The following PCDHGC4 variants were observed in gnomAD, a reference collection of about 807,000 sequenced individuals.
The protein encoded by PCDHGC4 is protocadherin gamma-C4.
In PCDHGC4, 15 loss-of-function variants were observed where a neutral mutation model predicts 59.7. That is an observed-to-expected ratio of 0.25 (90% confidence interval 0.17 to 0.39). The LOEUF is 0.39. PCDHGC4 is among the 10% of genes least tolerant of loss of function. PCDHGC4 has a pLI of 1.00. For synonymous variants in PCDHGC4, 434 were observed against 481.4 expected (o/e 0.90, Z 1.29); for missense variants, 1,016 against 1,189.5 (o/e 0.85, Z 2.15).
intron 1 of PCDHGC4, among the ~76,000 whole-genome samples, chr5:141,494,034 A>T (rs1206242414): frequency 1.3e-5 from 2 of 152,162 alleles, no homozygotes; most frequent in Non-Finnish European, 2.9e-5. Flanking sequence ...CTGGAGACTT[A>T]GTTGGCCCTG....
At position 141,491,809 on chromosome 5, in the gene PCDHGC4, C is replaced by A. The variant is rs1421763758; in HGVS notation, c.2443-2998C>A. The A allele has an allele frequency of 6.7e-7, 1 of 1,487,044 alleles. No homozygotes were observed. The highest frequency in any genetic ancestry group is 1.4e-5 in the South Asian group (1 of 72,986). The allele number at this position is 1,487,044 out of a possible 1,614,324, so 92.1% of individuals were successfully genotyped here. On this transcript the variant is annotated intron_variant, in intron 1 of 3. Coordinates refer to ENST00000306593, the MANE Select transcript of PCDHGC4 (RefSeq NM_018928.3). This position sits in a 1 kb window ranked among gnomAD's most constrained non-coding sequence, Gnocchi z 6.9. Reference sequence around the variant, plus strand: ...TCCACTCCTCTCCGGCCGGCTTGGTCGCTGGCTGCGCTCCACCCGATTCTC... The same window carrying A: ...TCCACTCCTCTCCGGCCGGCTTGGTAGCTGGCTGCGCTCCACCCGATTCTC...
In PCDHGC4 at chr5:141,486,036, G is replaced by A. The variant is rs773301300; in HGVS notation, c.863G>A (p.Arg288His). ...TATTTCAGTGGTCATACCCCTGATC[G>A]TGTAAGAAACCTCTTTAGCCTGCAC... ...TFYFSGHTPDRVRNLFSLHPT... is the reference protein window; with the variant it reads ...TFYFSGHTPDHVRNLFSLHPT... The change falls in exon 1 of 4, where the codon CGT (arginine) becomes CAT (histidine). Residue 288 changes from arginine to histidine, a missense_variant. By Grantham distance (29) the Arg-to-His change is conservative. Transcript: ENST00000306593. This position sits in a 1 kb window ranked among gnomAD's most constrained non-coding sequence, Gnocchi z 5.0. 2.5e-6 allele frequency: 4 copies of A among 1,614,048 alleles called. No individual in the cohort carries two copies. Among genetic ancestry groups the A allele is most frequent in the Admixed American group, 1.7e-5 (1 of 60,004 alleles).
At position 141,511,424 on chromosome 5, in the gene PCDHGC4, G is replaced by A. The variant is rs939906846; in HGVS notation, c.*251G>A. 10 of 810,392 alleles carry A rather than the reference G, an allele frequency of 1.2e-5. No homozygotes were observed. Among genetic ancestry groups the A allele is most frequent in the East Asian group, 3.0e-5 (1 of 33,800 alleles). The allele number at this position is 810,392 out of a possible 1,614,324, so 50.2% of individuals were successfully genotyped here. On this transcript the variant is annotated 3_prime_UTR_variant, in exon 4 of 4. Transcript: ENST00000306593. The stretch of plus-strand genomic sequence containing the variant: ...ATCAACTGCTGTACCCATGGGGGTA[G>A]TGGGGTTACTGTAGACACCAAGAAC...
chr5:141,491,884 G>C lies in PCDHGC4; in HGVS notation c.2443-2923G>C, dbSNP rs745931108. 5.0e-5 allele frequency: 73 copies of C among 1,446,372 alleles called. No homozygotes were observed. The highest frequency in any genetic ancestry group is 6.3e-5 in the Non-Finnish European group (69 of 1,094,334). The allele number at this position is 1,446,372 out of a possible 1,614,324, so 89.6% of individuals were successfully genotyped here. A position where few individuals can be genotyped will look rare whatever the true frequency, so the allele number is the denominator to read the frequency against. On this transcript the variant is annotated intron_variant, in intron 1 of 3. Coordinates refer to ENST00000306593, the MANE Select transcript of PCDHGC4 (RefSeq NM_018928.3). The surrounding 1 kb of genome is among the most constrained non-coding windows in gnomAD (Gnocchi z 6.9). The stretch of plus-strand genomic sequence containing the variant: ...AACCAGAGTGGCCGATTAAGGGATG[G>C]GGCTCCGAGCACCGGGGGTGGTGGC...
Position 141,490,972 on chromosome 5 carries a change from C to G in PCDHGC4, c.2442+3357C>G. 6.2e-7 allele frequency: 1 copy of G among 1,613,912 alleles called. No homozygotes were observed. Among genetic ancestry groups the G allele is most frequent in the Non-Finnish European group, 8.5e-7 (1 of 1,179,922 alleles). Reference sequence around the variant, plus strand: ...AGACTGGGAACACTCAGCCCCCCAGCGTCTCCCTCGCTCTGCTCCTCCTGG... The same window carrying G: ...AGACTGGGAACACTCAGCCCCCCAGGGTCTCCCTCGCTCTGCTCCTCCTGG... On this transcript the variant is annotated intron_variant, in intron 1 of 3. Coordinates refer to ENST00000306593, the MANE Select transcript of PCDHGC4 (RefSeq NM_018928.3). The surrounding 1 kb of genome is among the most constrained non-coding windows in gnomAD (Gnocchi z 5.4).
chr5:141,490,045 C>T lies in PCDHGC4; in HGVS notation c.2442+2430C>T, dbSNP rs530803072. On this transcript the variant is annotated intron_variant, in intron 1 of 3. Transcript: ENST00000306593. The surrounding 1 kb of genome is among the most constrained non-coding windows in gnomAD (Gnocchi z 5.4). ...GCTGCTCCGCCTCAATGCCACTGAT[C>T]CAGACGAGGGCACCAACGGCCAACT... 1.2e-5 allele frequency: 19 copies of T among 1,614,114 alleles called. No individual in the cohort carries two copies. Among genetic ancestry groups the T allele is most frequent in the Admixed American group, 1.2e-4 (7 of 60,014 alleles).
At chr5:141,495,771 C>T (rs941051365) in intron 2 of PCDHGC4, among the ~76,000 whole-genome samples, 1 of 152,110 alleles carries the variant, frequency 6.6e-6, no homozygotes, top group Non-Finnish European at 1.5e-5. Flanking sequence ...TGTCCTTGTC[C>T]TGGACCTCTT....
rs958652662 is a variant in PCDHGC4, at chr5:141,494,839, T to C, written c.2475T>C (p.Ser825=). 6.2e-7 allele frequency: 1 copy of C among 1,614,106 alleles called. No individual in the cohort carries two copies. Among genetic ancestry groups the C allele is most frequent in the Non-Finnish European group, 8.5e-7 (1 of 1,180,016 alleles). ...QAPPNTDWRF[S]QAQRPGTSGS... ...CGCCCAACACGGACTGGCGTTTCTC[T>C]CAGGCCCAGAGACCCGGCACCAGCG... The change falls in exon 2 of 4, where the codon TCT becomes TCC. Residue 825 remains serine (S), a synonymous_variant. Coordinates refer to ENST00000306593, the MANE Select transcript of PCDHGC4 (RefSeq NM_018928.3).
chr5:141,488,040 G>A (rs1212272063), intron 1 of PCDHGC4, among the ~76,000 whole-genome samples: 1 of 152,112 alleles, frequency 6.6e-6, no homozygotes, highest in Non-Finnish European at 1.5e-5. Flanking sequence ...CATTTCCCAA[G>A]GGATTGAGGG....
At chr5:141,509,845 C>G (rs1021433327) in intron 3 of PCDHGC4, among the ~76,000 whole-genome samples, 1 of 152,190 alleles carries the variant, frequency 6.6e-6, no homozygotes, top group African/African-American at 2.4e-5. Context: ...CCCATTCACT[C>G]AGAACAGGGA....
At chr5:141,505,336 G>A in intron 2 of PCDHGC4, 57 bp from the exon 3 acceptor site, 2 of 1,611,374 alleles carry the variant, frequency 1.2e-6, no homozygotes, top group South Asian at 1.1e-5. Flanking sequence ...GAGGACAGGA[G>A]GGGCATGAGC....
intron 1 of PCDHGC4, 161 bp from the exon 2 acceptor site, chr5:141,494,646 T>C (rs1324048407): frequency 1.1e-6 from 1 of 935,836 alleles, no homozygotes; most frequent in East Asian, 1.2e-4. Flanking sequence ...AGACCTGAGG[T>C]GTATTTTGTC....
At chr5:141,505,085 C>A (rs954289918) in intron 2 of PCDHGC4, among the ~76,000 whole-genome samples, 1 of 152,162 alleles carries the variant, frequency 6.6e-6, no homozygotes, top group Non-Finnish European at 1.5e-5. Context: ...TCGCTTGAAC[C>A]CAGGAGGTGG....
chr5:141,489,692 G>C lies in PCDHGC4; in HGVS notation c.2442+2077G>C, dbSNP rs768806028. The stretch of plus-strand genomic sequence containing the variant: ...TCAGAATCAGCAGCATCTGGGGCAC[G>C]ATTCCCACTGGACAGTGCCCAGGAT... On this transcript the variant is annotated intron_variant, in intron 1 of 3. Transcript: ENST00000306593. This position sits in a 1 kb window ranked among gnomAD's most constrained non-coding sequence, Gnocchi z 4.5. 6.2e-7 allele frequency: 1 copy of C among 1,614,128 alleles called. No individual in the cohort carries two copies. Among genetic ancestry groups the C allele is most frequent in the South Asian group, 1.1e-5 (1 of 91,080 alleles).
At position 141,494,758 on chromosome 5, in the gene PCDHGC4, T is replaced by C. The variant is rs370692038; in HGVS notation, c.2443-49T>C. ...CCATCCCTAGGGGCTCGGGTGACAT[T>C]CTAACTTCTCACGGGTACTCAGCCC... On this transcript the variant is annotated intron_variant, in intron 1 of 3. Transcript: ENST00000306593. The C allele has an allele frequency of 1.3e-5, 21 of 1,613,682 alleles. No homozygotes were observed. The African/African-American group carries it at 2.7e-4, about 21-fold the overall frequency.
rs773729429 is a variant in PCDHGC4, at chr5:141,491,406, C to T, written c.2443-3401C>T. ...CGAAGTGCCTTCAGGGAAACGCAGA[C>T]GGGGACGGGGGTGGAGGGCAGTGCT... On this transcript the variant is annotated intron_variant, in intron 1 of 3. Transcript: ENST00000306593. The surrounding 1 kb of genome is among the most constrained non-coding windows in gnomAD (Gnocchi z 6.9). The T allele has an allele frequency of 1.2e-6, 2 of 1,614,096 alleles. No homozygotes were observed. The highest frequency in any genetic ancestry group is 1.7e-6 in the Non-Finnish European group (2 of 1,179,990).
Position 141,490,311 on chromosome 5 carries a change from C to T in PCDHGC4, c.2442+2696C>T. 6.2e-7 allele frequency: 1 copy of T among 1,614,200 alleles called. No individual in the cohort carries two copies. The highest frequency in any genetic ancestry group is 8.5e-7 in the Non-Finnish European group (1 of 1,180,018). On this transcript the variant is annotated intron_variant, in intron 1 of 3. Coordinates refer to ENST00000306593, the MANE Select transcript of PCDHGC4 (RefSeq NM_018928.3). This position sits in a 1 kb window ranked among gnomAD's most constrained non-coding sequence, Gnocchi z 5.4. ...AGGTGCTATTGGCCTCTTTGGCCAA[C>T]CCTGTCCTAGAGAGCACACCAGTGG...
Position 141,490,869 on chromosome 5 carries a change from A to AT in PCDHGC4, c.2442+3256dup. 1.2e-6 allele frequency: 2 copies of AT among 1,613,902 alleles called. No individual in the cohort carries two copies. Among genetic ancestry groups the AT allele is most frequent in the Non-Finnish European group, 8.5e-7 (1 of 1,179,954 alleles). ...GGGTTCGAGACTCCGGCTCTCCCCC[A>AT]TTGCATGCCAACACATCTCTGCATG... On this transcript the variant is annotated intron_variant, in intron 1 of 3. Coordinates refer to ENST00000306593, the MANE Select transcript of PCDHGC4 (RefSeq NM_018928.3). This position sits in a 1 kb window ranked among gnomAD's most constrained non-coding sequence, Gnocchi z 5.4.
At position 141,486,891 on chromosome 5, in the gene PCDHGC4, G is replaced by C. The variant is rs201201426; in HGVS notation, c.1718G>C (p.Gly573Ala). The change falls in exon 1 of 4, where the codon GGT (glycine) becomes GCT (alanine). Residue 573 changes from glycine (G) to alanine (A), a missense_variant. By Grantham distance (60) the Gly-to-Ala change is moderately conservative. Transcript: ENST00000306593. This position sits in a 1 kb window ranked among gnomAD's most constrained non-coding sequence, Gnocchi z 5.0. ...GTGCTCCGTCCTCGGGCCCGGCCTGGTTCCTTATGTCCCCAAGCACTGCCT... is the reference window on the plus strand; with the variant it reads ...GTGCTCCGTCCTCGGGCCCGGCCTGCTTCCTTATGTCCCCAAGCACTGCCT... ...PAVLRPRARP[G>A]SLCPQALPPS... 14 of 1,614,118 alleles carry C rather than the reference G, an allele frequency of 8.7e-6. No homozygotes were observed. The highest frequency in any genetic ancestry group is 3.3e-5 in the Admixed American group (2 of 60,008).
Sources: allele counts gnomAD v4.1 joint callset (sites outside exome capture counted in the v4.1 genomes callset), GRCh38; gene constraint gnomAD v4.1.1; non-coding constraint Gnocchi (gnomAD v3.1); transcripts MANE v1.5; gene names NCBI Gene and HGNC (gene_info 2026-07-23, HGNC 2026-07-21).